IFI27L1: variants seen among roughly 807,000 people sequenced by gnomAD.
IFI27L1 encodes the protein interferon alpha-inducible protein 27-like protein 1.
A neutral mutation model predicts 9.2 loss-of-function variants in IFI27L1; 3 were observed. The ratio of observed to expected loss-of-function variants is 0.32; its 90% confidence interval spans 0.15 to 0.84. The LOEUF (loss-of-function observed/expected upper bound fraction) is 0.84, where lower values mean the gene tolerates loss of function less well. IFI27L1 is among the 40% of genes least tolerant of loss of function. The pLI is 0.56. For missense variants in IFI27L1, 133 were observed against 134.2 expected (o/e 0.99, Z 0.05); for synonymous variants, 53 against 50.0 (o/e 1.06, Z -0.26).
At chr14:94,082,358 A>G (rs1200462154) in intron 1 of IFI27L1, among the ~76,000 whole-genome samples, 2 of 152,206 alleles carry the variant, frequency 1.3e-5, no homozygotes, top group African/African-American at 2.4e-5. Context: ...ATGAAAGTGT[A>G]AGATGAGGCA....
intron 1 of IFI27L1, among the ~76,000 whole-genome samples, chr14:94,087,181 A>T (rs1024014104): frequency 2.0e-5 from 3 of 152,172 alleles, no homozygotes; most frequent in African/African-American, 7.2e-5. Flanking sequence ...AATAATAACA[A>T]CATGTTTGGC....
At chr14:94,101,678 G>T in intron 3 of IFI27L1, 136 bp from the exon 4 acceptor site, 2 of 806,564 alleles carry the variant, frequency 2.5e-6, no homozygotes, top group Non-Finnish European at 3.9e-6. Flanking sequence ...GACTGCCCTT[G>T]TTTTGGGATC....
At chr14:94,082,333 A>C (rs780447552) in intron 1 of IFI27L1, among the ~76,000 whole-genome samples, 3 of 152,188 alleles carry the variant, frequency 2.0e-5, no homozygotes, top group Non-Finnish European at 4.4e-5. Context: ...TAAGGAAAGA[A>C]GCCGTCTCCA....
chr14:94,083,243 T>A (rs1886170746), intron 1 of IFI27L1, among the ~76,000 whole-genome samples: 1 of 152,218 alleles, frequency 6.6e-6, no homozygotes, highest in Non-Finnish European at 1.5e-5. Flanking sequence ...ATTGTGGCAA[T>A]CTCGTGAGAA....
At position 94,096,953 on chromosome 14, in the gene IFI27L1, G is replaced by A. The variant is rs755724534; in HGVS notation, c.16G>A (p.Gly6Arg). ...GGGGCCAACCATGGGAAAGGAGAGT[G>A]GATGGGACTCAGGTGGGTACTGCAC... MGKES[G>R]WDSGRAAVAA... Residue 6 changes from glycine (G) to arginine (R), a missense_variant, in exon 2 of 5, where the codon GGA becomes AGA. By Grantham distance (125) the Gly-to-Arg change is moderately radical. Coordinates refer to ENST00000555523, the MANE Select transcript of IFI27L1 (RefSeq NM_206949.3). The A allele has an allele frequency of 2.5e-6, 4 of 1,613,526 alleles. No individual in the cohort carries two copies. The highest frequency in any genetic ancestry group is 2.7e-5 in the African/African-American group (2 of 74,898).
At chr14:94,085,100 G>C (rs1207692028) in intron 1 of IFI27L1, among the ~76,000 whole-genome samples, 1 of 152,196 alleles carries the variant, frequency 6.6e-6, no homozygotes, top group Non-Finnish European at 1.5e-5. Context: ...TGAAGTGGGA[G>C]TACTTATGAA....
At chr14:94,086,456 A>G (rs538439095) in intron 1 of IFI27L1, among the ~76,000 whole-genome samples, 181 of 152,294 alleles carry the variant, frequency 1.2e-3, no homozygotes, top group African/African-American at 4.2e-3. Flanking sequence ...TGCCTCTTTC[A>G]CTCAACAATA....
At chr14:94,088,676 T>C (rs944784452) in intron 1 of IFI27L1, among the ~76,000 whole-genome samples, 6 of 152,178 alleles carry the variant, frequency 3.9e-5, no homozygotes, top group Non-Finnish European at 8.8e-5. Flanking sequence ...TATCTGCAGC[T>C]GAACTCTGAC....
intron 1 of IFI27L1, chr14:94,089,098 C>T (rs1408641722): frequency 1.3e-5 from 2 of 152,076 alleles, no homozygotes; most frequent in African/African-American, 4.8e-5. Context: ...GGTCATGGCT[C>T]ACTGCAGCTG....
intron 2 of IFI27L1, among the ~76,000 whole-genome samples, chr14:94,098,400 C>T (rs577630405): frequency 1.3e-5 from 2 of 152,320 alleles, no homozygotes; most frequent in East Asian, 3.9e-4. Flanking sequence ...GTATCTGTGT[C>T]TCTTCTTTTT....
At chr14:94,097,117 T>C in intron 2 of IFI27L1, 152 bp downstream of exon 2, 6 of 640,904 alleles carry the variant, frequency 9.4e-6, no homozygotes, top group Non-Finnish European at 1.6e-5. Context: ...AATGACGGGA[T>C]TTTTAAATCC....
At position 94,092,676 on chromosome 14, in the gene IFI27L1, T is replaced by C. The variant is rs191564025; in HGVS notation, c.-51-4211T>C. 3.9e-5 allele frequency among the ~76,000 whole-genome samples: 6 copies of C among 152,310 alleles called. No homozygotes were observed. In the East Asian group the frequency reaches 1.2e-3, roughly 29 times the overall value. ...ACTCTGTTGTGCTTTTATTCCAATGTTCAATTTACAGAAAAACTGAAGAAT... is the reference window on the plus strand; with the variant it reads ...ACTCTGTTGTGCTTTTATTCCAATGCTCAATTTACAGAAAAACTGAAGAAT... On this transcript the variant is annotated intron_variant, in intron 1 of 4. Coordinates refer to ENST00000555523, the MANE Select transcript of IFI27L1 (RefSeq NM_206949.3).
chr14:94,090,879 C>G (rs2144310), intron 1 of IFI27L1, among the ~76,000 whole-genome samples: 1 of 151,834 alleles, frequency 6.6e-6, no homozygotes, highest in Non-Finnish European at 1.5e-5. Flanking sequence ...ATGCAGTTTC[C>G]AAATTCTGGA....
intron 1 of IFI27L1, among the ~76,000 whole-genome samples, chr14:94,083,807 A>T (rs1886190099): frequency 6.6e-6 from 1 of 152,252 alleles, no homozygotes; most frequent in African/African-American, 2.4e-5. Flanking sequence ...AAATTGGTTT[A>T]AGCCAGGTGT....
intron 3 of IFI27L1, chr14:94,101,467 T>C: frequency 3.0e-6 from 1 of 333,324 alleles, no homozygotes; most frequent in Non-Finnish European, 5.5e-6. Flanking sequence ...TCTGTCAACC[T>C]TTTGCATGGA....
intron 1 of IFI27L1, among the ~76,000 whole-genome samples, chr14:94,084,981 G>A (rs1328589428): frequency 6.6e-6 from 1 of 151,618 alleles, no homozygotes; most frequent in African/African-American, 2.4e-5. Flanking sequence ...GAGTGACAAA[G>A]CAAGACCCTG....
chr14:94,099,249 A>G (rs921165166), intron 2 of IFI27L1, among the ~76,000 whole-genome samples: 2 of 152,182 alleles, frequency 1.3e-5, no homozygotes, highest in Non-Finnish European at 2.9e-5. Context: ...ACTGCTCATC[A>G]CAGAAGTGGG....
intron 2 of IFI27L1, 36 bp from the exon 3 acceptor site, chr14:94,100,703 T>A (rs746038765): frequency 6.2e-7 from 1 of 1,610,954 alleles, no homozygotes; most frequent in Non-Finnish European, 8.5e-7. Context: ...TTTGTGTTTG[T>A]TTGTTTGTTG....
intron 2 of IFI27L1, 151 bp downstream of exon 2, chr14:94,097,116 A>G (rs1886703804): frequency 3.1e-6 from 2 of 643,828 alleles, no homozygotes; most frequent in South Asian, 2.6e-5. Context: ...GAATGACGGG[A>G]TTTTTAAATC....
Sources: gnomAD v4.1 joint callset for allele counts (sites outside exome capture counted in the v4.1 genomes callset) on GRCh38, gnomAD v4.1.1 for gene constraint, MANE v1.5 for transcripts, NCBI Gene and HGNC (gene_info 2026-07-23, HGNC 2026-07-21) for gene names.